Variants in SLC14A2 observed in about 807,000 individuals in gnomAD.
SLC14A2 encodes urea transporter 2.
Under a neutral mutation model 104.6 loss-of-function variants are expected in SLC14A2, and 91 were observed. The observed-to-expected ratio is 0.87, with a 90% CI of 0.73 to 1.04. SLC14A2 has a LOEUF of 1.04. Among genes scored for constraint, SLC14A2 ranks in the 50% least tolerant of loss-of-function variants. The probability of loss-of-function intolerance (pLI) is 0.00; values close to 1 mark genes in which losing one functional copy is unlikely to be tolerated. For synonymous variants in SLC14A2, 476 were observed against 466.4 expected (o/e 1.02, Z -0.27); for missense variants, 1,189 against 1,156.0 (o/e 1.03, Z -0.41).
chr18:45,678,535 G>A (rs2046262807), intron 18 of SLC14A2, among the ~76,000 whole-genome samples: 1 of 152,200 alleles, frequency 6.6e-6, no homozygotes, highest in African/African-American at 2.4e-5. Context: ...AAGGCACTGG[G>A]CATGTCTAGT....
intron 15 of SLC14A2, 57 bp downstream of exon 15, chr18:45,668,534 C>T: frequency 5.6e-6 from 9 of 1,594,346 alleles, no homozygotes; most frequent in Admixed American, 1.7e-5. Context: ...ACCTTTTCAT[C>T]CCAATCCCAT....
chr18:45,261,855 C>T (rs1242768234), intron 1 of SLC14A2, among the ~76,000 whole-genome samples: 1 of 152,184 alleles, frequency 6.6e-6, no homozygotes, highest in Non-Finnish European at 1.5e-5. Context: ...GTGAATAGTG[C>T]CGCAATAAAC....
At chr18:45,187,229 C>G in the SLC14A2 span, among the ~76,000 whole-genome samples, 1 of 152,004 alleles carries the variant, frequency 6.6e-6, no homozygotes, top group African/African-American at 2.4e-5. Flanking sequence ...CAGGGAGAAC[C>G]ACAGGAGATT....
chr18:45,630,092 A>G (rs2045320901), intron 4 of SLC14A2, among the ~76,000 whole-genome samples: 1 of 152,172 alleles, frequency 6.6e-6, no homozygotes, highest in Non-Finnish European at 1.5e-5. Flanking sequence ...TTGTTCTGTA[A>G]TTAATTTTTT....
At chr18:45,524,687 A>G (rs907667515) in intron 2 of SLC14A2, among the ~76,000 whole-genome samples, 20 of 152,334 alleles carry the variant, frequency 1.3e-4, no homozygotes, top group Admixed American at 3.9e-4. Flanking sequence ...GTAAGTGACA[A>G]TCTTCATGGA....
chr18:45,264,700 T>C (rs1042423498), intron 1 of SLC14A2, among the ~76,000 whole-genome samples: 6 of 152,150 alleles, frequency 3.9e-5, no homozygotes, highest in East Asian at 1.9e-4. Context: ...GTGAGACTTA[T>C]TCACTACACG....
At chr18:45,173,153 C>T in the SLC14A2 span, among the ~76,000 whole-genome samples, 1 of 152,108 alleles carries the variant, frequency 6.6e-6, no homozygotes, top group Non-Finnish European at 1.5e-5. Flanking sequence ...CTACATGGCC[C>T]TTTGTCAGGG....
chr18:45,248,028 G>A (rs541039861), intron 1 of SLC14A2, among the ~76,000 whole-genome samples: 1 of 151,920 alleles, frequency 6.6e-6, no homozygotes, highest in South Asian at 2.1e-4. Flanking sequence ...TGTCAGTAGG[G>A]AGCAAAAAAA....
At chr18:45,491,343 C>T (rs1443529598) in intron 2 of SLC14A2, among the ~76,000 whole-genome samples, 1 of 152,102 alleles carries the variant, frequency 6.6e-6, no homozygotes. Context: ...ATTAATATAC[C>T]ATTTACACAC....
chr18:45,471,160 C>T (rs889743069), intron 1 of SLC14A2, among the ~76,000 whole-genome samples: 2 of 152,154 alleles, frequency 1.3e-5, no homozygotes, highest in African/African-American at 4.8e-5. Context: ...AGCATTTGTA[C>T]TTGAACAACA....
At chr18:45,256,851 G>C (rs1057459886) in intron 1 of SLC14A2, among the ~76,000 whole-genome samples, 2 of 152,220 alleles carry the variant, frequency 1.3e-5, no homozygotes, top group African/African-American at 4.8e-5. Context: ...TGGAATATCA[G>C]CTCTGGAAAG....
At chr18:45,226,158 G>T (rs1479775287) in intron 1 of SLC14A2, among the ~76,000 whole-genome samples, 1 of 152,162 alleles carries the variant, frequency 6.6e-6, no homozygotes, top group Non-Finnish European at 1.5e-5. Context: ...TCATTAAAAA[G>T]TCAGGAAACA....
chr18:45,567,686 C>CCCACCTCTCTCAGCCTCTACCTTT (rs2044286290), intron 2 of SLC14A2, among the ~76,000 whole-genome samples: 1 of 152,154 alleles, frequency 6.6e-6, no homozygotes, highest in African/African-American at 2.4e-5. Flanking sequence ...AAGCAAGCCG[C>CCCACCTCTCTCAGCCTCTACCTTT]CCACCTCTCT....
chr18:45,535,692 G>T (rs1252280930), intron 2 of SLC14A2, among the ~76,000 whole-genome samples: 1 of 152,170 alleles, frequency 6.6e-6, no homozygotes, highest in Admixed American at 6.5e-5. Flanking sequence ...ACTCTTGCAT[G>T]GACACAAAAT....
At chr18:45,183,677 T>TTCTC in the SLC14A2 span, among the ~76,000 whole-genome samples, 1 of 151,830 alleles carries the variant, frequency 6.6e-6, no homozygotes, top group Non-Finnish European at 1.5e-5. Context: ...CTGTCTTTCT[T>TTCTC]TCTTTCTCTC....
At chr18:45,250,644 G>A (rs970057078) in intron 1 of SLC14A2, among the ~76,000 whole-genome samples, 3 of 151,892 alleles carry the variant, frequency 2.0e-5, no homozygotes, top group African/African-American at 7.3e-5. Context: ...TTTTCCATGG[G>A]AAACCCACTG....
At chr18:45,233,918 A>G (rs1274818511) in intron 1 of SLC14A2, among the ~76,000 whole-genome samples, 2 of 151,866 alleles carry the variant, frequency 1.3e-5, no homozygotes, top group African/African-American at 4.8e-5. Flanking sequence ...GAGTGAGTTT[A>G]GAGCTACCTA....
intron 1 of SLC14A2, among the ~76,000 whole-genome samples, chr18:45,334,083 A>C (rs182764920): frequency 2.6e-5 from 4 of 152,212 alleles, no homozygotes; most frequent in Admixed American, 6.5e-5. Flanking sequence ...CCTATTCAAA[A>C]GCCTGTGTTG....
the SLC14A2 span, among the ~76,000 whole-genome samples, chr18:45,177,510 T>C: frequency 6.6e-6 from 1 of 152,174 alleles, no homozygotes; most frequent in Middle Eastern, 3.2e-3. Context: ...AGATTTTCTT[T>C]TAGTCCTGCC....
Sources: allele counts gnomAD v4.1 joint callset (sites outside exome capture counted in the v4.1 genomes callset), GRCh38; gene constraint gnomAD v4.1.1; transcripts MANE v1.5; gene names NCBI Gene and HGNC (gene_info 2026-07-23, HGNC 2026-07-21).